The following RAB38 variants were observed in gnomAD, a reference collection of about 807,000 sequenced individuals.
The protein encoded by RAB38 is ras-related protein Rab-38.
RAB38 carries 15 observed loss-of-function variants against 18.4 expected under a neutral mutation model. That is an observed-to-expected ratio of 0.82 (90% CI 0.55 to 1.26). The LOEUF (loss-of-function observed/expected upper bound fraction) is 1.26. Among genes scored for constraint, RAB38 ranks in the 50% most tolerant of loss-of-function variants. The pLI, the probability that RAB38 is intolerant of heterozygous loss-of-function variation, is 0.00. For missense variants in RAB38, 294 were observed against 267.4 expected (o/e 1.10, Z -0.69); for synonymous variants, 101 against 104.4 (o/e 0.97, Z 0.20).
At chr11:88,130,445 A>G (rs1221248520) in intron 2 of RAB38, among the ~76,000 whole-genome samples, 3 of 152,228 alleles carry the variant, frequency 2.0e-5, no homozygotes, top group Non-Finnish European at 4.4e-5. Flanking sequence ...ATTTATTCAG[A>G]GCAAAAGTAT....
At chr11:88,077,033 A>AAAAGC in the RAB38 span, among the ~76,000 whole-genome samples, 1 of 109,390 alleles carries the variant, frequency 9.1e-6, no homozygotes, top group Non-Finnish European at 1.8e-5. Flanking sequence ...GAAAAGAAAG[A>AAAAGC]AAGCAAGCAA....
chr11:87,891,884 C>T, the RAB38 span, among the ~76,000 whole-genome samples: 1 of 151,752 alleles, frequency 6.6e-6, no homozygotes, highest in Non-Finnish European at 1.5e-5. Context: ...TTTAGTTTCT[C>T]TTTTGTTTTT....
In RAB38 at chr11:88,154,200, G is replaced by A. The variant is rs576747627; in HGVS notation, c.203-4245C>T. Among the ~76,000 whole-genome samples, 684 of 152,336 alleles carry A rather than the reference G, an allele frequency of 4.5e-3. 3 individuals carry two copies. Among genetic ancestry groups the A allele is most frequent in the South Asian group, 8.9e-3 (43 of 4,828 alleles). ...TGAGGAAAAGACGTGAGGAACAGCT[G>A]CAGACATTTTCCCAGACCCAGGACC... is the stretch of plus-strand genomic sequence containing the variant. On this transcript the variant is annotated intron_variant, in intron 1 of 2. Coordinates refer to ENST00000243662, the MANE Select transcript of RAB38 (RefSeq NM_022337.3).
chr11:87,901,376 A>C, the RAB38 span, among the ~76,000 whole-genome samples: 20 of 151,752 alleles, frequency 1.3e-4, no homozygotes, highest in Admixed American at 3.3e-4. Flanking sequence ...ATAAAAAATC[A>C]CAGGACTCTC....
chr11:87,941,214 G>GAGATATATATATATATATATATATATAT, the RAB38 span, among the ~76,000 whole-genome samples: 6 of 62,536 alleles, frequency 9.6e-5, no homozygotes, highest in African/African-American at 7.6e-5. Flanking sequence ...AAATATATGA[G>GAGATATATATATATATATATATATATAT]ATATATATAT....
At chr11:88,169,484 G>T (rs755097898) in intron 1 of RAB38, among the ~76,000 whole-genome samples, 3 of 152,204 alleles carry the variant, frequency 2.0e-5, no homozygotes, top group Non-Finnish European at 2.9e-5. Context: ...TTGTAGAGGA[G>T]ATGTTCAGCA....
chr11:87,865,677 A>T, the RAB38 span, among the ~76,000 whole-genome samples: 3 of 151,698 alleles, frequency 2.0e-5, no homozygotes, highest in African/African-American at 7.2e-5. Context: ...GGAGGACATG[A>T]AGAAAAGAGA....
chr11:87,977,822 T>C, the RAB38 span, among the ~76,000 whole-genome samples: 2 of 109,876 alleles, frequency 1.8e-5, no homozygotes, highest in South Asian at 5.9e-4. Flanking sequence ...ATTAAATATA[T>C]GTTCCTATAT....
At chr11:87,846,353 A>G in the RAB38 span, among the ~76,000 whole-genome samples, 1 of 152,224 alleles carries the variant, frequency 6.6e-6, no homozygotes, top group East Asian at 1.9e-4. Context: ...CAAGAGCTAA[A>G]CTTAATATAT....
chr11:87,941,246 T>C, the RAB38 span, among the ~76,000 whole-genome samples: 4 of 135,518 alleles, frequency 3.0e-5, no homozygotes, highest in Non-Finnish European at 6.3e-5. Flanking sequence ...TATATATATA[T>C]GTAACTTCTA....
chr11:88,098,411 G>T, the RAB38 span, among the ~76,000 whole-genome samples: 5 of 151,944 alleles, frequency 3.3e-5, no homozygotes, highest in Admixed American at 1.3e-4. Flanking sequence ...ATAAAGTAAT[G>T]TAAGTAGAAT....
chr11:87,976,429 T>G, the RAB38 span, among the ~76,000 whole-genome samples: 1 of 134,232 alleles, frequency 7.4e-6, no homozygotes, highest in Non-Finnish European at 1.6e-5. Flanking sequence ...TTATATATTA[T>G]GCATTTATAT....
the RAB38 span, among the ~76,000 whole-genome samples, chr11:88,092,378 GAGAGAGAGAGAGAGAGAGAGAGA>G: frequency 1.3e-3 from 37 of 27,994 alleles, 11 homozygotes; most frequent in African/African-American, 4.1e-3. Context: ...GAGAGAGAGA[GAGAGAGAGAGAGAGAGAGAGAGA>G]GAGAGAGAGA....
chr11:88,015,207 T>C, the RAB38 span, among the ~76,000 whole-genome samples: 1 of 152,160 alleles, frequency 6.6e-6, no homozygotes, highest in Non-Finnish European at 1.5e-5. Flanking sequence ...TAACCAGCTA[T>C]ACAGTGAGAG....
At chr11:88,111,081 C>T (rs934795093), downstream of RAB38, among the ~76,000 whole-genome samples, 5 of 152,198 alleles carry the variant, frequency 3.3e-5, no homozygotes, top group East Asian at 3.8e-4. Flanking sequence ...TGACACCATA[C>T]GTGATGCCAT....
the RAB38 span, among the ~76,000 whole-genome samples, chr11:88,010,862 T>C: frequency 6.6e-6 from 1 of 152,084 alleles, no homozygotes; most frequent in African/African-American, 2.4e-5. Flanking sequence ...TCATGCAAGC[T>C]CCCAACCTTC....
At chr11:87,830,449 G>A in the RAB38 span, among the ~76,000 whole-genome samples, 1 of 151,740 alleles carries the variant, frequency 6.6e-6, no homozygotes, top group South Asian at 2.1e-4. Flanking sequence ...CCACTGCACT[G>A]CAGCCTGGGT....
At chr11:88,084,003 G>T in the RAB38 span, among the ~76,000 whole-genome samples, 6 of 151,768 alleles carry the variant, frequency 4.0e-5, no homozygotes, top group African/African-American at 9.7e-5. Flanking sequence ...AATTGTGCCT[G>T]GATAATAGTA....
At chr11:88,159,405 T>A (rs1217282144) in intron 1 of RAB38, among the ~76,000 whole-genome samples, 8 of 150,130 alleles carry the variant, frequency 5.3e-5, no homozygotes, top group South Asian at 2.1e-4. Flanking sequence ...ATGGCCACAC[T>A]GCCCCCCAAA....
Sources: gnomAD v4.1 joint callset for allele counts (sites outside exome capture counted in the v4.1 genomes callset) on GRCh38, gnomAD v4.1.1 for gene constraint, MANE v1.5 for transcripts, NCBI Gene and HGNC (gene_info 2026-07-23, HGNC 2026-07-21) for gene names.